Variants in CTNNA2 observed in about 807,000 individuals in gnomAD.
CTNNA2 encodes catenin alpha-2.
Under a neutral mutation model 101.0 loss-of-function variants are expected in CTNNA2, and 42 were observed. The observed-to-expected ratio is 0.42, with a 90% CI of 0.32 to 0.54. The LOEUF is 0.54. Among genes scored for constraint, CTNNA2 ranks in the 20% least tolerant of loss-of-function variants. CTNNA2 has a pLI of 0.14. For synonymous variants in CTNNA2, 450 were observed against 456.4 expected (o/e 0.99, Z 0.18); for missense variants, 871 against 1,223.1 (o/e 0.71, Z 4.29).
intron 3 of CTNNA2, among the ~76,000 whole-genome samples, chr2:79,841,035 C>A (rs1679771658): frequency 6.6e-6 from 1 of 152,096 alleles, no homozygotes; most frequent in Non-Finnish European, 1.5e-5. Flanking sequence ...TTCCAAAGTG[C>A]TGGGATTACA....
chr2:80,155,075 A>T (rs1322094890), intron 7 of CTNNA2, among the ~76,000 whole-genome samples: 1 of 152,204 alleles, frequency 6.6e-6, no homozygotes, highest in South Asian at 2.1e-4. Context: ...TAGCTTATTT[A>T]AGGACAGCTG....
intron 18 of CTNNA2, among the ~76,000 whole-genome samples, chr2:80,627,194 T>C (rs1211725202): frequency 3.9e-5 from 6 of 152,190 alleles, no homozygotes; most frequent in Non-Finnish European, 8.8e-5. Flanking sequence ...TGTGTGTCTT[T>C]ATAGTAAAAT....
chr2:80,012,530 T>G (rs1403762454), intron 7 of CTNNA2, among the ~76,000 whole-genome samples: 1 of 152,150 alleles, frequency 6.6e-6, no homozygotes, highest in Non-Finnish European at 1.5e-5. Flanking sequence ...GATACAAACA[T>G]TTTAGGCTTT....
chr2:79,670,302 A>G (rs1682742791), intron 2 of CTNNA2, among the ~76,000 whole-genome samples: 1 of 152,158 alleles, frequency 6.6e-6, no homozygotes, highest in South Asian at 2.1e-4. Flanking sequence ...ACTCCCTACA[A>G]GAGCACAGGG....
At chr2:79,617,856 C>G (rs1678726069) in intron 1 of CTNNA2, among the ~76,000 whole-genome samples, 1 of 152,112 alleles carries the variant, frequency 6.6e-6, no homozygotes, top group Admixed American at 6.5e-5. Flanking sequence ...GTGATTTTTC[C>G]TCTTATGCAT....
rs1162093154 is a variant in CTNNA2 at position 80,402,651 on chromosome 2, CTAGTACCCCT to C, written c.1137+9363_1137+9372del. Among the ~76,000 whole-genome samples, 3 of 151,884 alleles carry C rather than the reference CTAGTACCCCT, an allele frequency of 2.0e-5. No individual in the cohort carries two copies. The East Asian group carries it at 5.8e-4, about 29-fold the overall frequency. The stretch of plus-strand genomic sequence containing the variant: ...ATCAAATATTAGACAAAAGATTCTC[CTAGTACCCCT>C]TATCTACAAGGGTTTTAGGAACCAG... On this transcript the variant is annotated intron_variant, in intron 8 of 18. Coordinates refer to ENST00000402739, the MANE Select transcript of CTNNA2 (RefSeq NM_001282597.3).
rs1672950083 is a variant in CTNNA2, at chr2:79,534,714, G to A, written c.-6+21507G>A. 2.0e-5 allele frequency among the ~76,000 whole-genome samples: 3 copies of A among 151,960 alleles called. 1 individual carries two copies. The highest frequency in any genetic ancestry group is 3.4e-3 in the Middle Eastern group (1 of 294). ...CTTTTTCATTTTTGATATTGTGCTT[G>A]TTGTCCCCAGTTTCTGAAATACAAC... On this transcript the variant is annotated intron_variant, in intron 1 of 18. Coordinates refer to ENST00000402739, the MANE Select transcript of CTNNA2 (RefSeq NM_001282597.3).
chr2:79,251,772 T>G, intron 2 of CTNNA2, among the ~76,000 whole-genome samples: 1 of 152,152 alleles, frequency 6.6e-6, no homozygotes, highest in East Asian at 1.9e-4. Flanking sequence ...GCTGACACCC[T>G]GGTGGCAGTC....
intron 3 of CTNNA2, among the ~76,000 whole-genome samples, chr2:79,781,217 G>A (rs35348750): frequency 0.064 from 9,722 of 152,224 alleles, 548 homozygotes; most frequent in South Asian, 0.2. Flanking sequence ...TCCTGACGTT[G>A]CCATGGCATT....
At chr2:80,603,555 A>C (rs1697739192) in intron 15 of CTNNA2, 1 of 152,146 alleles carries the variant, frequency 6.6e-6, no homozygotes, top group Admixed American at 6.6e-5. Context: ...GAATATAAAT[A>C]TGCTGGACAT....
intron 2 of CTNNA2, among the ~76,000 whole-genome samples, chr2:79,211,328 G>A (rs567347382): frequency 6.6e-6 from 1 of 152,234 alleles, no homozygotes; most frequent in South Asian, 2.1e-4. Flanking sequence ...ATTATTCCAA[G>A]ACAACAAGGG....
chr2:79,733,517 A>G (rs1687329699), intron 2 of CTNNA2, among the ~76,000 whole-genome samples: 1 of 151,766 alleles, frequency 6.6e-6, no homozygotes, highest in Non-Finnish European at 1.5e-5. Context: ...TGTGTGTGAA[A>G]ACTAGAAAAT....
chr2:79,458,904 A>C (rs569970517), intron 4 of CTNNA2, among the ~76,000 whole-genome samples: 4 of 152,148 alleles, frequency 2.6e-5, no homozygotes, highest in Admixed American at 6.5e-5. Context: ...ATTTCTAAAA[A>C]ATACATGCCA....
Position 79,858,242 on chromosome 2 carries a change from A to C in CTNNA2, c.465+63A>C, listed in dbSNP as rs1681298441. 15 of 1,347,802 alleles carry C rather than the reference A, an allele frequency of 1.1e-5. No homozygotes were observed. In the South Asian group the frequency reaches 1.8e-4, roughly 16 times the overall value. 83.5% of individuals were successfully genotyped at this position (1,347,802 alleles called of 1,614,324 possible). ...AGTGGCAATCTTGACCGTGTGTATTACAGCTCTGGCCTCTACTCTAGATGT... is the reference window on the plus strand; with the variant it reads ...AGTGGCAATCTTGACCGTGTGTATTCCAGCTCTGGCCTCTACTCTAGATGT... On this transcript the variant is annotated intron_variant, in intron 4 of 18. Coordinates refer to ENST00000402739, the MANE Select transcript of CTNNA2 (RefSeq NM_001282597.3).
At chr2:79,605,306 G>GA (rs546127141) in intron 1 of CTNNA2, among the ~76,000 whole-genome samples, 391 of 151,822 alleles carry the variant, frequency 2.6e-3, no homozygotes, top group Non-Finnish European at 3.6e-3. Flanking sequence ...TGATGGAGCA[G>GA]AAAAAAAATC....
intron 9 of CTNNA2, among the ~76,000 whole-genome samples, chr2:80,474,065 T>C (rs1166702941): frequency 6.6e-6 from 1 of 152,218 alleles, no homozygotes; most frequent in Non-Finnish European, 1.5e-5. Context: ...TCACTCTTGC[T>C]TCCTGACGCT....
chr2:79,670,658 T>C (rs1285423348), intron 2 of CTNNA2, among the ~76,000 whole-genome samples: 2 of 152,220 alleles, frequency 1.3e-5, no homozygotes, highest in Non-Finnish European at 2.9e-5. Context: ...CTCCATAATT[T>C]TAATTTTTTA....
chr2:80,394,473 T>C (rs1478312586), intron 8 of CTNNA2, among the ~76,000 whole-genome samples: 1 of 152,218 alleles, frequency 6.6e-6, no homozygotes, highest in Non-Finnish European at 1.5e-5. Context: ...TTTACTTTAC[T>C]TTGAAATAAG....
At chr2:80,376,267 C>A (rs913926146) in intron 7 of CTNNA2, among the ~76,000 whole-genome samples, 1 of 152,046 alleles carries the variant, frequency 6.6e-6, no homozygotes. Context: ...TTTCTTCTCC[C>A]ACCCTTCACA....
Sources: allele counts gnomAD v4.1 joint callset (sites outside exome capture counted in the v4.1 genomes callset), GRCh38; gene constraint gnomAD v4.1.1; transcripts MANE v1.5; gene names NCBI Gene and HGNC (gene_info 2026-07-23, HGNC 2026-07-21).